Variants in ZRANB1 observed in about 807,000 individuals in gnomAD.
ZRANB1 encodes ubiquitin thioesterase ZRANB1.
In ZRANB1, 16 loss-of-function variants were observed where a neutral mutation model predicts 80.5. The observed-to-expected ratio is 0.20, with a 90% CI of 0.13 to 0.30. ZRANB1 has a LOEUF of 0.30. Among genes scored for constraint, ZRANB1 ranks in the 10% least tolerant of loss-of-function variants. ZRANB1 has a pLI of 1.00. For synonymous variants in ZRANB1, 291 were observed against 293.1 expected (o/e 0.99, Z 0.07); for missense variants, 576 against 862.6 (o/e 0.67, Z 4.16).
rs755759717 is a variant in ZRANB1, at chr10:124,983,153, G to A, written c.1549-22G>A. 1.4e-5 allele frequency: 23 copies of A among 1,595,520 alleles called. No individual in the cohort carries two copies. Among genetic ancestry groups the A allele is most frequent in the African/African-American group, 1.1e-4 (8 of 73,826 alleles). ...CCAGGAGTGGTAATAAATGTTTTAAGTTTTTGTTTTGTTTCGTACAGCCTG... is the reference window on the plus strand; with the variant it reads ...CCAGGAGTGGTAATAAATGTTTTAAATTTTTGTTTTGTTTCGTACAGCCTG... On this transcript the variant is annotated intron_variant, in intron 6 of 8. Transcript: ENST00000359653. This position sits in a 1 kb window ranked among gnomAD's most constrained non-coding sequence, Gnocchi z 6.2.
At chr10:124,925,211 A>G in the ZRANB1 span, among the ~76,000 whole-genome samples, 5 of 151,822 alleles carry the variant, frequency 3.3e-5, no homozygotes, top group Non-Finnish European at 7.4e-5. Context: ...CTCCCTGCCC[A>G]TTTTACATTT....
upstream of ZRANB1, among the ~76,000 whole-genome samples, chr10:124,940,297 A>AT (rs1951523413): frequency 6.6e-6 from 1 of 152,256 alleles, no homozygotes; most frequent in Admixed American, 6.5e-5. Context: ...TAGAGAATTG[A>AT]TAAAAATAAA....
chr10:124,980,135 G>C (rs1158573895), intron 5 of ZRANB1, among the ~76,000 whole-genome samples: 1 of 152,196 alleles, frequency 6.6e-6, no homozygotes, highest in African/African-American at 2.4e-5. Context: ...GGTATTGCCA[G>C]CTTGACAATA....
At chr10:124,967,894 T>G (rs924918233) in intron 2 of ZRANB1, among the ~76,000 whole-genome samples, 4 of 152,044 alleles carry the variant, frequency 2.6e-5, no homozygotes, top group Admixed American at 2.6e-4. Flanking sequence ...ATCCAGGTTT[T>G]TTTTTTCTTT....
the ZRANB1 span, among the ~76,000 whole-genome samples, chr10:124,933,181 G>T: frequency 6.7e-6 from 1 of 148,436 alleles, no homozygotes; most frequent in African/African-American, 2.5e-5. Flanking sequence ...TTGTTGCCCA[G>T]GCTGGAGAGC....
At chr10:124,974,134 C>T (rs1951853034) in intron 4 of ZRANB1, 66 bp from the exon 5 acceptor site, 1 of 1,514,320 alleles carries the variant, frequency 6.6e-7, no homozygotes, top group Non-Finnish European at 9.1e-7. Context: ...ATAGGTTCTT[C>T]TCCCCATGAG....
intron 1 of ZRANB1, among the ~76,000 whole-genome samples, chr10:124,964,266 CA>C (rs931324161): frequency 4.6e-5 from 7 of 152,150 alleles, no homozygotes; most frequent in African/African-American, 1.7e-4. Flanking sequence ...TATTATTGTA[CA>C]TTATAGTTCC....
intron 1 of ZRANB1, among the ~76,000 whole-genome samples, chr10:124,947,210 A>C (rs1951592824): frequency 6.6e-6 from 1 of 152,216 alleles, no homozygotes; most frequent in African/African-American, 2.4e-5. Context: ...GTAGAGCCTG[A>C]GGTTGAGAAC....
At chr10:124,930,417 C>G in the ZRANB1 span, among the ~76,000 whole-genome samples, 1 of 152,174 alleles carries the variant, frequency 6.6e-6, no homozygotes, top group East Asian at 1.9e-4. Flanking sequence ...AGGTACCCAC[C>G]ACCATATCCA....
chr10:124,979,811 G>A (rs958678922), intron 5 of ZRANB1, among the ~76,000 whole-genome samples: 3 of 152,128 alleles, frequency 2.0e-5, no homozygotes, highest in Middle Eastern at 6.8e-3. Context: ...CAATTTTGTC[G>A]AAAATTAGTT....
chr10:124,919,655 A>G, the ZRANB1 span, among the ~76,000 whole-genome samples: 1 of 122,728 alleles, frequency 8.1e-6, no homozygotes, highest in Non-Finnish European at 1.6e-5. Context: ...TCTGTCACCC[A>G]GGCTGAATTG....
intron 5 of ZRANB1, among the ~76,000 whole-genome samples, chr10:124,974,913 T>C (rs1951862772): frequency 6.6e-6 from 1 of 152,166 alleles, no homozygotes; most frequent in Non-Finnish European, 1.5e-5. Flanking sequence ...TCCATCCACC[T>C]CAGCCTCCTG....
chr10:124,976,742 T>C (rs7067946), intron 5 of ZRANB1, among the ~76,000 whole-genome samples: 4,035 of 151,894 alleles, frequency 0.027, 160 homozygotes, highest in African/African-American at 0.091. Flanking sequence ...GGCTAATTTT[T>C]TGTATTTTTA....
intron 2 of ZRANB1, among the ~76,000 whole-genome samples, chr10:124,968,381 G>A (rs1951793636): frequency 2.0e-5 from 3 of 152,222 alleles, no homozygotes; most frequent in Admixed American, 2.0e-4. Flanking sequence ...TTGAAGGTTA[G>A]ATGGAAACAT....
chr10:124,960,698 G>A (rs1453633732), intron 1 of ZRANB1, among the ~76,000 whole-genome samples: 1 of 151,992 alleles, frequency 6.6e-6, no homozygotes, highest in African/African-American at 2.4e-5. Context: ...TGAGATTATA[G>A]GTGTGAACCA....
chr10:124,955,567 CTG>C (rs1170600212), intron 1 of ZRANB1, among the ~76,000 whole-genome samples: 2 of 152,226 alleles, frequency 1.3e-5, no homozygotes, highest in African/African-American at 2.4e-5. Context: ...GCTATGAAGA[CTG>C]TGATCATTTC....
intron 2 of ZRANB1, among the ~76,000 whole-genome samples, chr10:124,967,210 T>TA (rs541723065): frequency 9.0e-4 from 137 of 152,338 alleles, no homozygotes; most frequent in East Asian, 5.2e-3. Flanking sequence ...TGCCAAGTGT[T>TA]ATGCCAGTAC....
Position 124,983,655 on chromosome 10 carries a change from G to A in ZRANB1, c.1875G>A (p.Lys625=). The change falls in exon 8 of 9, where the codon AAG becomes AAA. Residue 625 remains lysine (K), a synonymous_variant. Transcript: ENST00000359653. This position sits in a 1 kb window ranked among gnomAD's most constrained non-coding sequence, Gnocchi z 6.2. ...TFLPLVDSER[K]LLHVHFLSAQ... ...TGCCTCTGGTTGACAGTGAAAGGAA[G>A]CTACTCCATGTGCACTTCCTTTCTG... The A allele has an allele frequency of 1.9e-6, 3 of 1,606,850 alleles. No homozygotes were observed. Among genetic ancestry groups the A allele is most frequent in the Non-Finnish European group, 2.6e-6 (3 of 1,175,948 alleles).
intron 1 of ZRANB1, among the ~76,000 whole-genome samples, chr10:124,952,902 G>A (rs1407746344): frequency 5.3e-5 from 8 of 151,906 alleles, no homozygotes; most frequent in East Asian, 1.9e-4. Context: ...GAGCCACCAC[G>A]CCCAGCCCTA....
Sources: gnomAD v4.1 joint callset for allele counts (sites outside exome capture counted in the v4.1 genomes callset) on GRCh38, gnomAD v4.1.1 for gene constraint, Gnocchi (gnomAD v3.1) non-coding constraint, MANE v1.5 for transcripts, NCBI Gene and HGNC (gene_info 2026-07-23, HGNC 2026-07-21) for gene names.